The following KCNH8 variants were observed in gnomAD, a reference collection of about 807,000 sequenced individuals.
KCNH8 encodes the protein potassium voltage-gated channel subfamily H member 8.
Under a neutral mutation model 103.6 loss-of-function variants are expected in KCNH8, and 70 were observed. The observed-to-expected ratio is 0.68, with a 90% confidence interval of 0.56 to 0.82. KCNH8 has a LOEUF of 0.82. KCNH8 is among the 40% of genes least tolerant of loss of function. KCNH8 has a pLI of 0.00. For missense variants in KCNH8, 1,217 were observed against 1,329.9 expected, an observed-to-expected ratio of 0.92 and a Z score of 1.32; for synonymous variants, 498 against 489.4, an observed-to-expected ratio of 1.02 and a Z score of -0.23.
At chr3:19,332,468 C>T (rs1197924552) in intron 3 of KCNH8, among the ~76,000 whole-genome samples, 1 of 152,038 alleles carries the variant, frequency 6.6e-6, no homozygotes, top group Non-Finnish European at 1.5e-5. Context: ...ATAGATAGAC[C>T]AGTTTACTTA....
intron 11 of KCNH8, among the ~76,000 whole-genome samples, chr3:19,469,250 G>GT (rs1460226905): frequency 1.3e-4 from 20 of 152,248 alleles, no homozygotes; most frequent in African/African-American, 3.4e-4. Flanking sequence ...CCCAACAAGT[G>GT]TTTTGTCAGT....
intron 7 of KCNH8, among the ~76,000 whole-genome samples, chr3:19,414,247 G>A (rs1236226503): frequency 6.6e-6 from 1 of 152,042 alleles, no homozygotes; most frequent in Non-Finnish European, 1.5e-5. Flanking sequence ...CTAGAGTTTG[G>A]AGCAGGGAAA....
At chr3:19,343,880 G>A (rs562968387) in intron 4 of KCNH8, among the ~76,000 whole-genome samples, 1 of 152,118 alleles carries the variant, frequency 6.6e-6, no homozygotes, top group East Asian at 1.9e-4. Context: ...GTACTTCAGT[G>A]CAACTTTCTG....
intron 3 of KCNH8, among the ~76,000 whole-genome samples, chr3:19,300,264 A>C (rs2065049395): frequency 6.6e-6 from 1 of 151,956 alleles, no homozygotes. Flanking sequence ...AAAAAAAAGA[A>C]AGAAAGAAAA....
chr3:19,524,678 G>A lies in KCNH8; in HGVS notation c.2619+6604G>A, dbSNP rs564616259. On this transcript the variant is annotated intron_variant, in intron 15 of 15. Coordinates refer to ENST00000328405, the MANE Select transcript of KCNH8 (RefSeq NM_144633.3). ...TAACTTTTGGAGACTGGTTGTTTTC[G>A]TCCTCTTTGCTTATGATTGCTTATA... 8.3e-4 allele frequency among the ~76,000 whole-genome samples: 126 copies of A among 151,928 alleles called. 1 individual carries two copies. The highest frequency in any genetic ancestry group is 3.4e-3 in the Middle Eastern group (1 of 294).
intron 3 of KCNH8, among the ~76,000 whole-genome samples, chr3:19,335,293 C>T (rs1052863106): frequency 6.6e-6 from 1 of 151,560 alleles, no homozygotes. Flanking sequence ...TATTGATTCC[C>T]TAAAAGGGAA....
Position 19,251,192 on chromosome 3 carries a change from G to A in KCNH8, c.77-2462G>A, listed in dbSNP as rs372994939. Among the ~76,000 whole-genome samples the A allele has an allele frequency of 1.6e-4, 25 of 152,248 alleles. 2 individuals are homozygous for A. The highest frequency in any genetic ancestry group is 5.2e-4 in the Admixed American group (8 of 15,290). ...CCCACAGGTTTATGACTATGCGATC[G>A]TTAAGGACTGGGACCACATCTAATG... is the stretch of plus-strand genomic sequence containing the variant. On this transcript the variant is annotated intron_variant, in intron 1 of 15. Transcript: ENST00000328405.
intron 1 of KCNH8, among the ~76,000 whole-genome samples, chr3:19,231,760 G>A (rs1334666263): frequency 1.3e-5 from 2 of 152,086 alleles, no homozygotes; most frequent in Admixed American, 6.5e-5. Context: ...TTGGGAAATC[G>A]AGCCTTGAAG....
At chr3:19,343,216 AAC>A (rs1305114407) in intron 4 of KCNH8, among the ~76,000 whole-genome samples, 1 of 152,104 alleles carries the variant, frequency 6.6e-6, no homozygotes, top group East Asian at 1.9e-4. Context: ...TTCACAGTAA[AAC>A]ACTGGATTTA....
chr3:19,511,533 G>A (rs2068783078), intron 12 of KCNH8, among the ~76,000 whole-genome samples: 2 of 152,208 alleles, frequency 1.3e-5, no homozygotes, highest in East Asian at 1.9e-4. Context: ...GCCCTGTTGT[G>A]TCTTTAGCTG....
chr3:19,204,422 AAGAGAG>A (rs57494828), intron 1 of KCNH8, among the ~76,000 whole-genome samples: 4 of 149,134 alleles, frequency 2.7e-5, no homozygotes, highest in Non-Finnish European at 1.5e-5. Context: ...GGAGTGGGGG[AAGAGAG>A]AGAGAGAGAG....
At chr3:19,495,473 A>G (rs2068419518) in intron 11 of KCNH8, among the ~76,000 whole-genome samples, 1 of 152,096 alleles carries the variant, frequency 6.6e-6, no homozygotes, top group East Asian at 1.9e-4. Flanking sequence ...TCCTTTCCCC[A>G]TTGCTGGTTT....
chr3:19,239,028 A>G (rs1016730233), intron 1 of KCNH8, among the ~76,000 whole-genome samples: 2 of 152,202 alleles, frequency 1.3e-5, no homozygotes, highest in African/African-American at 2.4e-5. Context: ...TTACATCACG[A>G]TTCAAATTGT....
intron 14 of KCNH8, among the ~76,000 whole-genome samples, chr3:19,516,796 A>G (rs541281858): frequency 2.6e-5 from 4 of 151,972 alleles, no homozygotes; most frequent in Admixed American, 1.3e-4. Context: ...AGCTATATCT[A>G]TCTCTTGCTT....
chr3:19,456,706 T>C, intron 10 of KCNH8, 62 bp from the exon 11 acceptor site: 2 of 1,060,880 alleles, frequency 1.9e-6, no homozygotes, highest in Middle Eastern at 4.3e-4. Context: ...GTAAGTCAAA[T>C]GAGGTTATCA....
chr3:19,486,495 G>C (rs537054960), intron 11 of KCNH8, among the ~76,000 whole-genome samples: 2 of 152,160 alleles, frequency 1.3e-5, no homozygotes, highest in Non-Finnish European at 2.9e-5. Flanking sequence ...CATGGTGGCC[G>C]GCCTTTGGAA....
chr3:19,372,966 T>A (rs1268401398), intron 5 of KCNH8, among the ~76,000 whole-genome samples: 2 of 151,980 alleles, frequency 1.3e-5, no homozygotes, highest in East Asian at 1.9e-4. Flanking sequence ...GAAGCCCACT[T>A]GATCATGGTG....
chr3:19,521,239 A>G (rs2068966099), intron 15 of KCNH8, among the ~76,000 whole-genome samples: 1 of 152,036 alleles, frequency 6.6e-6, no homozygotes, highest in Non-Finnish European at 1.5e-5. Flanking sequence ...GCTCTGGCAC[A>G]GCAGGCAGAA....
At chr3:19,192,383 C>T (rs1011821422) in intron 1 of KCNH8, among the ~76,000 whole-genome samples, 1 of 151,594 alleles carries the variant, frequency 6.6e-6, no homozygotes, top group African/African-American at 2.4e-5. Context: ...GGGGTTCCAA[C>T]GTGCTTTTAT....
Sources: gnomAD v4.1 joint callset for allele counts (sites outside exome capture counted in the v4.1 genomes callset) on GRCh38, gnomAD v4.1.1 for gene constraint, MANE v1.5 for transcripts, NCBI Gene and HGNC (gene_info 2026-07-23, HGNC 2026-07-21) for gene names.